The following PRDM2 variants were observed in gnomAD, a reference collection of about 807,000 sequenced individuals.
The protein encoded by PRDM2 is PR/SET domain 2, also known as PR domain zinc finger protein 2.
A neutral mutation model predicts 130.0 loss-of-function variants in PRDM2; 30 were observed. That is an observed-to-expected ratio of 0.23 (90% CI 0.17 to 0.31). The LOEUF (loss-of-function observed/expected upper bound fraction) is 0.31. Ranked by LOEUF, PRDM2 falls within the 10% of genes least tolerant of loss-of-function variation. The pLI, the probability that PRDM2 is intolerant of heterozygous loss-of-function variation, is 1.00. For missense variants in PRDM2, 2,011 were observed against 2,108.4 expected (o/e 0.95, Z 0.90); for synonymous variants, 871 against 782.4 (o/e 1.11, Z -1.89).
At chr1:13,816,789 C>A (rs577442425) in intron 9 of PRDM2, among the ~76,000 whole-genome samples, 1 of 152,226 alleles carries the variant, frequency 6.6e-6, no homozygotes. Flanking sequence ...TGGCTACGAA[C>A]TTCAAGCAAG....
At chr1:13,745,937 T>C (rs1371893205) in intron 5 of PRDM2, among the ~76,000 whole-genome samples, 3 of 152,208 alleles carry the variant, frequency 2.0e-5, no homozygotes, top group African/African-American at 7.2e-5. Flanking sequence ...TGGGTATGAG[T>C]GGATGTACTG....
At chr1:13,805,045 T>C (rs1442178188) in intron 8 of PRDM2, among the ~76,000 whole-genome samples, 1 of 152,166 alleles carries the variant, frequency 6.6e-6, no homozygotes, top group Non-Finnish European at 1.5e-5. Flanking sequence ...AACTTGAGTG[T>C]CCAGCTTCTT....
In PRDM2 at chr1:13,823,289, G is replaced by T; in HGVS notation, c.*154G>T. On this transcript the variant is annotated 3_prime_UTR_variant, in exon 10 of 10. Transcript: ENST00000311066. ...CATGTGCGCGCGTGCATGTGTGCGT[G>T]CGTGTGTGTTCACGTGTTCTCGTGC... is the stretch of plus-strand genomic sequence containing the variant. 1.5e-6 allele frequency: 2 copies of T among 1,332,866 alleles called. No homozygotes were observed. The highest frequency in any genetic ancestry group is 2.1e-6 in the Non-Finnish European group (2 of 939,150). 82.6% of individuals were successfully genotyped at this position (1,332,866 alleles called of 1,614,324 possible).
chr1:13,769,045 C>T (rs1644297787), intron 6 of PRDM2: 7 of 748,780 alleles, frequency 9.3e-6, no homozygotes, highest in Non-Finnish European at 1.1e-5. Flanking sequence ...ATAGTGTTGT[C>T]CTGTCCCTCT....
At chr1:13,723,385 G>A (rs928378601) in intron 2 of PRDM2, among the ~76,000 whole-genome samples, 3 of 152,192 alleles carry the variant, frequency 2.0e-5, no homozygotes, top group African/African-American at 7.2e-5. Flanking sequence ...CCCAGGTAGC[G>A]CTGCTCCAGC....
chr1:13,758,298 G>T (rs1644009599), intron 6 of PRDM2, among the ~76,000 whole-genome samples: 1 of 151,868 alleles, frequency 6.6e-6, no homozygotes, highest in Non-Finnish European at 1.5e-5. Flanking sequence ...ACAAAAATTA[G>T]CTGGGCGTGG....
chr1:13,707,291 C>A (rs1642239468), intron 1 of PRDM2, among the ~76,000 whole-genome samples: 1 of 152,100 alleles, frequency 6.6e-6, no homozygotes, highest in Admixed American at 6.5e-5. Flanking sequence ...TTCCGCTTTT[C>A]AGGAAATTCA....
chr1:13,735,173 C>A (rs554463651), intron 4 of PRDM2, among the ~76,000 whole-genome samples: 4 of 152,300 alleles, frequency 2.6e-5, no homozygotes, highest in Admixed American at 2.0e-4. Flanking sequence ...CTCCTTGAGC[C>A]CTTGATTATC....
intron 5 of PRDM2, among the ~76,000 whole-genome samples, chr1:13,745,545 C>G (rs866858174): frequency 2.0e-5 from 3 of 152,000 alleles, no homozygotes; most frequent in Non-Finnish European, 2.9e-5. Context: ...CTGCCCCAGC[C>G]TCTTGAGTAG....
intron 5 of PRDM2, among the ~76,000 whole-genome samples, chr1:13,747,569 G>C (rs999637374): frequency 6.6e-6 from 1 of 151,952 alleles, no homozygotes; most frequent in South Asian, 2.1e-4. Flanking sequence ...TTAGGGGTGG[G>C]TGAGAGCCAA....
At chr1:13,789,007 A>G (rs1644796227) in intron 8 of PRDM2, among the ~76,000 whole-genome samples, 3 of 152,128 alleles carry the variant, frequency 2.0e-5, no homozygotes, top group Admixed American at 2.0e-4. Flanking sequence ...CTGGATCAAG[A>G]TGCTGTCAGA....
Position 13,782,805 on chromosome 1 carries a change from C to T in PRDM2, c.5010C>T (p.Ser1670=), listed in dbSNP as rs1295595911. ...DLSENKREDG[S]AKQELKDFSY... The stretch of plus-strand genomic sequence containing the variant: ...GTGAGAACAAGAGAGAGGACGGCAG[C>T]GCCAAGCAGGAGCTGAAGGACTTCA... The change falls in exon 8 of 10, where the codon AGC becomes AGT. Residue 1670 remains serine, a synonymous_variant. Transcript: ENST00000311066. The T allele has an allele frequency of 1.0e-5, 16 of 1,608,006 alleles. No individual in the cohort carries two copies. The highest frequency in any genetic ancestry group is 7.8e-5 in the South Asian group (7 of 90,202).
At chr1:13,725,247 C>A (rs556474280) in intron 2 of PRDM2, among the ~76,000 whole-genome samples, 1 of 152,180 alleles carries the variant, frequency 6.6e-6, no homozygotes, top group Non-Finnish European at 1.5e-5. Flanking sequence ...CTCTATCCCC[C>A]GGGCTGGAGT....
intron 8 of PRDM2, chr1:13,783,212 G>C (rs759625297): frequency 1.9e-6 from 1 of 514,504 alleles, no homozygotes; most frequent in African/African-American, 1.9e-5. Flanking sequence ...CTTAGGTTAA[G>C]ACGGGTCACT....
chr1:13,761,943 G>A (rs142109867), intron 6 of PRDM2, among the ~76,000 whole-genome samples: 227 of 152,208 alleles, frequency 1.5e-3, no homozygotes, highest in African/African-American at 5.1e-3. Flanking sequence ...GTGAATCAGC[G>A]GAGAACAAAT....
chr1:13,703,372 A>T (rs1642121974), intron 1 of PRDM2, among the ~76,000 whole-genome samples: 1 of 152,218 alleles, frequency 6.6e-6, no homozygotes, highest in Admixed American at 6.5e-5. Context: ...TCCAAATAGC[A>T]CTTGAACCGC....
At chr1:13,801,302 G>A (rs1274586653) in intron 8 of PRDM2, among the ~76,000 whole-genome samples, 1 of 152,246 alleles carries the variant, frequency 6.6e-6, no homozygotes, top group Non-Finnish European at 1.5e-5. Flanking sequence ...CACAGCGTAT[G>A]TTTGCTTGGC....
At position 13,700,218 on chromosome 1, in the gene PRDM2, G is replaced by A. The variant is rs1204542099; in HGVS notation, c.-148G>A. On this transcript the variant is annotated 5_prime_UTR_variant, in exon 1 of 10. Transcript: ENST00000311066. The stretch of plus-strand genomic sequence containing the variant: ...CGACTGGAGTCAAGATGGCGGCGGC[G>A]CGGCCGCGGGCGCCGGGGCCGGCGA... 2 of 152,818 alleles carry A rather than the reference G, an allele frequency of 1.3e-5. No individual in the cohort carries two copies. Among genetic ancestry groups the A allele is most frequent in the Non-Finnish European group, 2.9e-5 (2 of 68,382 alleles). The allele number at this position is 152,818 out of a possible 1,614,324, so 9.5% of individuals were successfully genotyped here. A position where few individuals can be genotyped will look rare whatever the true frequency, so the allele number is the denominator to read the frequency against.
At position 13,780,364 on chromosome 1, in the gene PRDM2, T is replaced by C. The variant is rs766670033; in HGVS notation, c.2569T>C (p.Cys857Arg). ...VLDLSVHKKH[C>R]SDSEGKEFKE... ...AGATCTCAGTGTGCATAAAAAGCAT[T>C]GTAGTGACTCTGAAGGCAAGGAATT... Residue 857 changes from cysteine (C) to arginine (R), a missense_variant, in exon 8 of 10, where the codon TGT (cysteine) becomes CGT (arginine). By Grantham distance (180) the Cys-to-Arg change is radical. Coordinates refer to ENST00000311066, the MANE Select transcript of PRDM2 (RefSeq NM_001393986.1). 6 of 1,614,148 alleles carry C rather than the reference T, an allele frequency of 3.7e-6. No individual in the cohort carries two copies. Among genetic ancestry groups the C allele is most frequent in the Non-Finnish European group, 4.2e-6 (5 of 1,180,020 alleles).
Sources: allele counts gnomAD v4.1 joint callset (sites outside exome capture counted in the v4.1 genomes callset), GRCh38; gene constraint gnomAD v4.1.1; transcripts MANE v1.5; gene names NCBI Gene and HGNC (gene_info 2026-07-23, HGNC 2026-07-21).